AFF1: variants seen among roughly 807,000 people sequenced by gnomAD.
The protein encoded by AFF1 is ALF transcription elongation factor 1.
Under a neutral mutation model 121.7 loss-of-function variants are expected in AFF1, and 48 were observed. The ratio of observed to expected loss-of-function variants is 0.39; its 90% CI spans 0.31 to 0.50. The LOEUF (loss-of-function observed/expected upper bound fraction) is 0.50, where lower values mean the gene tolerates loss of function less well. Among genes scored for constraint, AFF1 ranks in the 20% least tolerant of loss-of-function variants. The pLI, the probability that AFF1 is intolerant of heterozygous loss-of-function variation, is 0.76. For synonymous variants in AFF1, 613 were observed against 563.0 expected, an observed-to-expected ratio of 1.09 and a Z score of -1.26; for missense variants, 1,523 against 1,511.7, an observed-to-expected ratio of 1.01 and a Z score of -0.12.
chr4:87,114,999 T>TGGCAGC lies in AFF1; in HGVS notation c.2173_2178dup (p.Gly725_Ser726dup), dbSNP rs757664289. On this transcript the variant is annotated inframe_insertion, in exon 12 of 21. Transcript: ENST00000395146. ...CTGAGAGCCAGGGCCCACCCCACAGTGGCAGCGGCAGCAGGACTAGTGGCT... is the reference window on the plus strand; with the variant it reads ...CTGAGAGCCAGGGCCCACCCCACAGTGGCAGCGGCAGCGGCAGCAGGACTAGTGGCT... 32 of 1,613,092 alleles carry TGGCAGC rather than the reference T, an allele frequency of 2.0e-5. No individual in the cohort carries two copies. Among genetic ancestry groups the TGGCAGC allele is most frequent in the Non-Finnish European group, 2.5e-5 (29 of 1,179,884 alleles).
chr4:87,093,978 C>T (rs923195329), intron 7 of AFF1, among the ~76,000 whole-genome samples: 2 of 152,126 alleles, frequency 1.3e-5, no homozygotes, highest in Non-Finnish European at 2.9e-5. Flanking sequence ...TGTCATGTTC[C>T]TGTTTAGATC....
At position 87,135,782 on chromosome 4, in the gene AFF1, A is replaced by G; in HGVS notation, c.*81A>G. 4.1e-6 allele frequency: 6 copies of G among 1,468,270 alleles called. No individual in the cohort carries two copies. Among genetic ancestry groups the G allele is most frequent in the East Asian group, 2.4e-5 (1 of 41,880 alleles). The allele number at this position is 1,468,270 out of a possible 1,614,324, so 91.0% of individuals were successfully genotyped here. A position where few individuals can be genotyped will look rare whatever the true frequency, so the allele number is the denominator to read the frequency against. On this transcript the variant is annotated 3_prime_UTR_variant, in exon 21 of 21. Transcript: ENST00000395146. ...CAAAAACAGTCCAGACATTTGTTTC[A>G]TCAGGACACCAAACTCTAAAAAAGA...
chr4:86,938,985 A>C (rs1308891426), intron 1 of AFF1, among the ~76,000 whole-genome samples: 1 of 152,220 alleles, frequency 6.6e-6, no homozygotes, highest in Non-Finnish European at 1.5e-5. Flanking sequence ...GATTATTGTG[A>C]CAAATAGTGC....
rs1728673491 is a variant in AFF1 at position 87,027,795 on chromosome 4, T to G, written c.39-18371T>G. On this transcript the variant is annotated intron_variant, in intron 2 of 20. Coordinates refer to ENST00000395146, the MANE Select transcript of AFF1 (RefSeq NM_001166693.3). ...GTTGTTGCTGTTGGGTTTTTTTTTT[T>G]TTTTTTTTTTTTTGAGGTGAGTCTC... Among the ~76,000 whole-genome samples, 2 of 141,722 alleles carry G rather than the reference T, an allele frequency of 1.4e-5. 1 individual carries two copies. Among genetic ancestry groups the G allele is most frequent in the South Asian group, 4.7e-4 (2 of 4,234 alleles). The allele number at this position is 141,722 out of a possible 152,430, so 93.0% of individuals were successfully genotyped here.
At chr4:86,953,709 ATTTTCTTTTCTT>A (rs1420493150) in intron 2 of AFF1, among the ~76,000 whole-genome samples, 1 of 150,388 alleles carries the variant, frequency 6.6e-6, no homozygotes, top group Non-Finnish European at 1.5e-5. Context: ...AGTTTAGTGC[ATTTTCTTTTCTT>A]TTTTCTTTTT....
At chr4:87,098,482 T>C (rs759498706) in intron 8 of AFF1, among the ~76,000 whole-genome samples, 1 of 152,240 alleles carries the variant, frequency 6.6e-6, no homozygotes, top group Non-Finnish European at 1.5e-5. Context: ...ACTGTGACCT[T>C]CATATAATTG....
chr4:86,949,351 G>A (rs933986391), intron 2 of AFF1, among the ~76,000 whole-genome samples: 1 of 150,132 alleles, frequency 6.7e-6, no homozygotes, highest in African/African-American at 2.4e-5. Flanking sequence ...CTGACCTCAG[G>A]TGATCCCCCT....
At chr4:87,084,746 T>C (rs997897593) in intron 5 of AFF1, among the ~76,000 whole-genome samples, 3 of 152,152 alleles carry the variant, frequency 2.0e-5, no homozygotes, top group Admixed American at 1.3e-4. Context: ...TTAATTAAAT[T>C]GAAGTCTACA....
At chr4:87,098,173 G>A (rs899195057) in intron 8 of AFF1, among the ~76,000 whole-genome samples, 1 of 152,184 alleles carries the variant, frequency 6.6e-6, no homozygotes, top group Non-Finnish European at 1.5e-5. Flanking sequence ...AAGCTTGCGA[G>A]TGGTCTGTAT....
Position 87,022,586 on chromosome 4 carries a change from ATC to A in AFF1, c.39-23578_39-23577del, listed in dbSNP as rs1560547414. The stretch of plus-strand genomic sequence containing the variant: ...TATATATATATATATATATATATCT[ATC>A]TATATCTATCTGTGTGTATATATAT... On this transcript the variant is annotated intron_variant, in intron 2 of 20. Coordinates refer to ENST00000395146, the MANE Select transcript of AFF1 (RefSeq NM_001166693.3). Among the ~76,000 whole-genome samples the A allele has an allele frequency of 5.4e-4, 49 of 91,458 alleles. 1 individual carries two copies. The highest frequency in any genetic ancestry group is 5.2e-3 in the Middle Eastern group (1 of 194). The allele number at this position is 91,458 out of a possible 152,430, so 60.0% of individuals were successfully genotyped here.
At chr4:86,992,532 C>T (rs1724810480) in intron 2 of AFF1, among the ~76,000 whole-genome samples, 1 of 151,340 alleles carries the variant, frequency 6.6e-6, no homozygotes, top group Non-Finnish European at 1.5e-5. Flanking sequence ...AGTGTAGGGA[C>T]CCATTAAGTT....
intron 2 of AFF1, among the ~76,000 whole-genome samples, chr4:86,958,379 C>G (rs1396163123): frequency 6.6e-6 from 1 of 152,080 alleles, no homozygotes; most frequent in Non-Finnish European, 1.5e-5. Context: ...GCGTGAGTCA[C>G]CGTGCCCGGC....
chr4:87,014,172 T>A (rs1031523358), intron 2 of AFF1, among the ~76,000 whole-genome samples: 9 of 152,176 alleles, frequency 5.9e-5, no homozygotes, highest in African/African-American at 2.2e-4. Flanking sequence ...CAGTGTTTGA[T>A]CATACAGCAC....
chr4:87,095,501 G>A (rs1490482841), intron 8 of AFF1, among the ~76,000 whole-genome samples: 1 of 152,154 alleles, frequency 6.6e-6, no homozygotes, highest in African/African-American at 2.4e-5. Context: ...GGGGAAAAAG[G>A]GTTTTTGAGC....
Position 87,134,526 on chromosome 4 carries a change from G to A in AFF1, c.3367G>A (p.Gly1123Arg), listed in dbSNP as rs1729135753. 6.2e-7 allele frequency: 1 copy of A among 1,613,742 alleles called. No individual in the cohort carries two copies. The highest frequency in any genetic ancestry group is 8.5e-7 in the Non-Finnish European group (1 of 1,179,864). ...AATGCCTTCTCCTGCCAGCTCCGTA[G>A]GGTCCCAGTCAAGTGCTGGCAGTGT... Reference protein sequence around the residue: ...SPMPSPASSVGSQSSAGSVGS... With the variant: ...SPMPSPASSVRSQSSAGSVGS... The change falls in exon 20 of 21, where the codon GGG becomes AGG. Residue 1123 changes from glycine to arginine, a missense_variant. This residue lies in a region of AFF1 where 241 missense variants were observed against 265.2 expected (regional missense o/e 0.91). Coordinates refer to ENST00000395146, the MANE Select transcript of AFF1 (RefSeq NM_001166693.3).
intron 12 of AFF1, among the ~76,000 whole-genome samples, chr4:87,116,294 A>G (rs558815810): frequency 6.6e-6 from 1 of 152,338 alleles, no homozygotes; most frequent in African/African-American, 2.4e-5. Context: ...TGTTACTTGA[A>G]CATGCCACTG....
At chr4:87,019,144 C>T (rs1159160099) in intron 2 of AFF1, among the ~76,000 whole-genome samples, 2 of 152,140 alleles carry the variant, frequency 1.3e-5, no homozygotes, top group African/African-American at 4.8e-5. Flanking sequence ...AAGTGGTGTT[C>T]TTTTTTATAT....
chr4:87,043,863 G>A (rs111601302), intron 2 of AFF1, among the ~76,000 whole-genome samples: 3 of 151,582 alleles, frequency 2.0e-5, no homozygotes, highest in African/African-American at 7.3e-5. Context: ...CTGTTGCCCC[G>A]GCTGGAGTAC....
intron 2 of AFF1, among the ~76,000 whole-genome samples, chr4:86,982,498 G>A (rs1278292549): frequency 6.8e-6 from 1 of 146,268 alleles, no homozygotes; most frequent in African/African-American, 2.5e-5. Context: ...AGTATTCAGA[G>A]GTGGAGCCTT....
Sources: allele counts gnomAD v4.1 joint callset (sites outside exome capture counted in the v4.1 genomes callset), GRCh38; gene constraint gnomAD v4.1.1; regional missense constraint gnomAD v4.1.1; transcripts MANE v1.5; gene names NCBI Gene and HGNC (gene_info 2026-07-23, HGNC 2026-07-21).